MYO5A: variants seen among roughly 807,000 people sequenced by gnomAD.
The protein encoded by MYO5A is myosin VA.
MYO5A carries 98 observed loss-of-function variants against 249.7 expected under a neutral mutation model. The ratio of observed to expected loss-of-function variants is 0.39; its 90% CI spans 0.33 to 0.46. MYO5A has a LOEUF of 0.46. Ranked by LOEUF, MYO5A falls within the 20% of genes least tolerant of loss-of-function variation. The pLI, the probability that MYO5A is intolerant of heterozygous loss-of-function variation, is 0.98. For missense variants in MYO5A, 1,696 were observed against 2,308.8 expected, an observed-to-expected ratio of 0.73 and a Z score of 5.44; for synonymous variants, 778 against 810.6, an observed-to-expected ratio of 0.96 and a Z score of 0.68.
At chr15:52,319,403 T>TGG in intron 38 of MYO5A, 61 bp from the exon 39 acceptor site, 1 of 1,336,952 alleles carries the variant, frequency 7.5e-7, no homozygotes. Context: ...CATGTGCACA[T>TGG]ATCCATGTGC....
intron 34 of MYO5A, chr15:52,331,784 C>T (rs1025231136): frequency 6.5e-5 from 64 of 985,288 alleles, no homozygotes; most frequent in Non-Finnish European, 7.2e-5. Context: ...GGACTATCAG[C>T]GCTGAAAATC....
At position 52,388,132 on chromosome 15, in the gene MYO5A, A is replaced by G. The variant is rs545490675; in HGVS notation, c.1669-220T>C. On this transcript the variant is annotated intron_variant, in intron 13 of 41. Transcript: ENST00000399233. ...ATCGTTTTTCCTAGGAAACAGTGGT[A>G]GCGCTGATTGTGATCTAAAAGATCC... Among the ~76,000 whole-genome samples, 6 of 152,336 alleles carry G rather than the reference A, an allele frequency of 3.9e-5. No individual in the cohort carries two copies. In the South Asian group the frequency reaches 1.2e-3, roughly 32 times the overall value.
intron 9 of MYO5A, among the ~76,000 whole-genome samples, chr15:52,402,627 C>G (rs1334533953): frequency 6.6e-6 from 1 of 152,008 alleles, no homozygotes; most frequent in Admixed American, 6.6e-5. Flanking sequence ...GGCAGATCAC[C>G]TGAGGTCAGG....
chr15:52,508,337 GA>G (rs2077316517), intron 1 of MYO5A, among the ~76,000 whole-genome samples: 1 of 148,568 alleles, frequency 6.7e-6, no homozygotes, highest in Non-Finnish European at 1.5e-5. Flanking sequence ...CTAGTTTTAT[GA>G]AAACTTTGAT....
chr15:52,462,749 G>C (rs1392495963), intron 1 of MYO5A, among the ~76,000 whole-genome samples: 3 of 152,024 alleles, frequency 2.0e-5, no homozygotes, highest in Non-Finnish European at 4.4e-5. Flanking sequence ...TCTGGAGGCT[G>C]AGGCAGGATA....
rs1314037224 is a variant in MYO5A, at chr15:52,366,117, T to C, written c.3160+914A>G. ...TTTAATGGGTATCTTTAGGCTCCCT[T>C]CTTATTTTTTCTCTACTCTTTAATC... On this transcript the variant is annotated intron_variant, in intron 23 of 41. Transcript: ENST00000399233. Among the ~76,000 whole-genome samples the C allele has an allele frequency of 5.3e-5, 8 of 152,308 alleles. 1 individual carries two copies. The highest frequency in any genetic ancestry group is 5.2e-4 in the Admixed American group (8 of 15,300).
chr15:52,363,002 G>T (rs1231066440), intron 24 of MYO5A, among the ~76,000 whole-genome samples: 1 of 152,156 alleles, frequency 6.6e-6, no homozygotes, highest in African/African-American at 2.4e-5. Context: ...GTTTAACCTA[G>T]TAGATTACCA....
At chr15:52,484,025 G>C (rs1304337075) in intron 1 of MYO5A, among the ~76,000 whole-genome samples, 1 of 152,168 alleles carries the variant, frequency 6.6e-6, no homozygotes, top group African/African-American at 2.4e-5. Flanking sequence ...CAGAACTAGA[G>C]AGACCACTAA....
rs907379039 is a variant in MYO5A, at chr15:52,497,635, T to C, written c.27+31145A>G. ...AGCCGGGCGTGGCAGTGTGCACCTG[T>C]AGTCCCAGCTACTCGGGAGGCTGAG... On this transcript the variant is annotated intron_variant, in intron 1 of 41. Transcript: ENST00000399233. Among the ~76,000 whole-genome samples the C allele has an allele frequency of 6.7e-5, 10 of 150,258 alleles. No homozygotes were observed. The South Asian group carries it at 2.1e-3, about 32-fold the overall frequency.
At chr15:52,499,042 G>A (rs2077098967) in intron 1 of MYO5A, among the ~76,000 whole-genome samples, 1 of 152,144 alleles carries the variant, frequency 6.6e-6, no homozygotes, top group Non-Finnish European at 1.5e-5. Flanking sequence ...GCTTTGTGGG[G>A]CAGAGCCAAG....
At chr15:52,502,937 T>C (rs1162937883) in intron 1 of MYO5A, among the ~76,000 whole-genome samples, 1 of 152,130 alleles carries the variant, frequency 6.6e-6, no homozygotes, top group Non-Finnish European at 1.5e-5. Flanking sequence ...GAAAGACAAA[T>C]ATCACATGTT....
Position 52,330,336 on chromosome 15 carries a change from A to G in MYO5A, c.4555+17T>C, listed in dbSNP as rs1369852229. The G allele has an allele frequency of 4.3e-6, 7 of 1,614,022 alleles. No homozygotes were observed. The Admixed American group carries it at 5.0e-5, about 12-fold the overall frequency. On this transcript the variant is annotated intron_variant, in intron 35 of 41. Coordinates refer to ENST00000399233, the MANE Select transcript of MYO5A (RefSeq NM_001382347.1). ...ATGTGCCAGAAGGAACTTTTATCCA[A>G]TGCAGAAAATACTTGCCCAGAATCA...
chr15:52,384,956 T>A (rs1471671150), intron 14 of MYO5A, among the ~76,000 whole-genome samples: 1 of 152,226 alleles, frequency 6.6e-6, no homozygotes, highest in Non-Finnish European at 1.5e-5. Context: ...ATCCTGTACA[T>A]TTGATATTTG....
intron 24 of MYO5A, among the ~76,000 whole-genome samples, chr15:52,363,984 A>T (rs542704906): frequency 5.3e-5 from 8 of 152,350 alleles, no homozygotes; most frequent in African/African-American, 1.9e-4. Flanking sequence ...CATGCCTGTA[A>T]TCCCAGCACT....
At chr15:52,322,926 A>C (rs2038403236) in intron 37 of MYO5A, among the ~76,000 whole-genome samples, 2 of 151,914 alleles carry the variant, frequency 1.3e-5, no homozygotes. Context: ...GGTGTGCTGC[A>C]TCCATTAACT....
chr15:52,435,739 CAAGT>C (rs1271837027), intron 1 of MYO5A: 2 of 433,214 alleles, frequency 4.6e-6, no homozygotes, highest in Non-Finnish European at 9.1e-6. Flanking sequence ...TTAGTCTTGA[CAAGT>C]AAGATTATAA....
intron 25 of MYO5A, among the ~76,000 whole-genome samples, chr15:52,354,828 G>A (rs1163140298): frequency 6.6e-6 from 1 of 151,594 alleles, no homozygotes; most frequent in African/African-American, 2.4e-5. Context: ...CACTCCAGCT[G>A]GGGCAGCAGA....
At chr15:52,389,146 T>C in intron 13 of MYO5A, 92 bp downstream of exon 13, 1 of 1,368,316 alleles carries the variant, frequency 7.3e-7, no homozygotes, top group Non-Finnish European at 1.0e-6. Context: ...AATGCAAACA[T>C]CAGCAAAAGA....
intron 1 of MYO5A, among the ~76,000 whole-genome samples, chr15:52,511,282 C>T (rs148207987): frequency 1.0e-3 from 158 of 152,326 alleles, no homozygotes; most frequent in African/African-American, 3.6e-3. Flanking sequence ...CATTTAATTA[C>T]GGAATCTGCA....
Sources: allele counts gnomAD v4.1 joint callset (sites outside exome capture counted in the v4.1 genomes callset), GRCh38; gene constraint gnomAD v4.1.1; transcripts MANE v1.5; gene names NCBI Gene and HGNC (gene_info 2026-07-23, HGNC 2026-07-21).